Variants in ELP1 observed in about 807,000 individuals in gnomAD.
ELP1 encodes the protein elongator acetyltransferase complex subunit 1.
In ELP1, 131 loss-of-function variants were observed where a neutral mutation model predicts 183.2. The observed-to-expected ratio is 0.72, with a 90% confidence interval of 0.62 to 0.83. The LOEUF (loss-of-function observed/expected upper bound fraction) is 0.83. Ranked by LOEUF, ELP1 falls within the 40% of genes least tolerant of loss-of-function variation. The probability of loss-of-function intolerance (pLI) is 0.00; values close to 1 mark genes in which losing one functional copy is unlikely to be tolerated. For missense variants in ELP1, 1,550 were observed against 1,594.9 expected (o/e 0.97, Z 0.48); for synonymous variants, 555 against 569.0 (o/e 0.98, Z 0.35).
rs1828650576 is a variant in ELP1 at position 108,898,666 on chromosome 9, G to A, written c.2283+5C>T. The A allele has an allele frequency of 6.2e-7, 1 of 1,610,690 alleles. No individual in the cohort carries two copies. Among genetic ancestry groups the A allele is most frequent in the Admixed American group, 1.7e-5 (1 of 60,004 alleles). Reference sequence around the variant, plus strand: ...GCTAGAGTAAATGACAGCTTAGAAAGTTACCTTAGGGTTATGATCATAAAT... The same window carrying A: ...GCTAGAGTAAATGACAGCTTAGAAAATTACCTTAGGGTTATGATCATAAAT... On this transcript the variant is annotated splice_donor_5th_base_variant and intron_variant, in intron 21 of 36. Coordinates refer to ENST00000374647, the MANE Select transcript of ELP1 (RefSeq NM_003640.5).
At position 108,878,008 on chromosome 9, in the gene ELP1, T is replaced by C. The variant is rs1163986312; in HGVS notation, c.3842A>G (p.Asn1281Ser). The C allele has an allele frequency of 6.2e-7, 1 of 1,614,094 alleles. No homozygotes were observed. The highest frequency in any genetic ancestry group is 1.3e-5 in the African/African-American group (1 of 74,940). The change falls in exon 35 of 37, where the codon AAT becomes AGT. Residue 1281 changes from asparagine (N) to serine (S), a missense_variant. By Grantham distance (46) the Asn-to-Ser change is conservative (BLOSUM62 1). Coordinates refer to ENST00000374647, the MANE Select transcript of ELP1 (RefSeq NM_003640.5). ...PEIWTLTYQQ[N>S]SATPVLGPNS... ...GAGAAAACTTACCGGGGTAGCTGAA[T>C]TCTGCTGGTAAGTAAGAGTCCAAAT... is the stretch of plus-strand genomic sequence containing the variant.
chr9:108,874,354 T>C (rs539161302), intron 36 of ELP1, among the ~76,000 whole-genome samples: 1 of 152,346 alleles, frequency 6.6e-6, no homozygotes, highest in East Asian at 1.9e-4. Flanking sequence ...AGTAATCTAA[T>C]TGAGAATCAT....
chr9:108,877,758 G>T (rs1242420866), intron 35 of ELP1, among the ~76,000 whole-genome samples: 1 of 152,104 alleles, frequency 6.6e-6, no homozygotes. Context: ...TTTTCTCCAT[G>T]ACAGCTACTT....
At position 108,903,604 on chromosome 9, in the gene ELP1, A is replaced by C. The variant is rs886063348; in HGVS notation, c.1709T>G (p.Val570Gly). The change falls in exon 15 of 37, where the codon GTA (valine) becomes GGA (glycine). Residue 570 changes from valine (V) to glycine (G), a missense_variant. Transcript: ENST00000374647. Reference protein sequence around the residue: ...LCCNSKTKSVVLQLADGQIFK... With the variant: ...LCCNSKTKSVGLQLADGQIFK... ...TATCTGGCCATCAGCCAGCTGTAAT[A>C]CTACTGACTTGGTCTTGGAATTGCA... The C allele has an allele frequency of 6.2e-7, 1 of 1,613,940 alleles. No individual in the cohort carries two copies. Among genetic ancestry groups the C allele is most frequent in the South Asian group, 1.1e-5 (1 of 91,070 alleles).
Position 108,868,746 on chromosome 9 carries a change from A to G in ELP1, c.*369T>C. ...AATAGCCATTGTAATCTTCTCCGCCAACAAAATAAGACAATTTAGAAACAT... is the reference window on the plus strand; with the variant it reads ...AATAGCCATTGTAATCTTCTCCGCCGACAAAATAAGACAATTTAGAAACAT... On this transcript the variant is annotated 3_prime_UTR_variant, in exon 37 of 37. Coordinates refer to ENST00000374647, the MANE Select transcript of ELP1 (RefSeq NM_003640.5). 2 of 552,274 alleles carry G rather than the reference A, an allele frequency of 3.6e-6. No individual in the cohort carries two copies. Among genetic ancestry groups the G allele is most frequent in the Non-Finnish European group, 6.4e-6 (2 of 314,150 alleles). The allele number at this position is 552,274 out of a possible 1,614,324, so 34.2% of individuals were successfully genotyped here.
chr9:108,891,511 T>C (rs143550286), intron 27 of ELP1, 107 bp from the exon 28 acceptor site: 32 of 1,004,426 alleles, frequency 3.2e-5, no homozygotes, highest in African/African-American at 2.5e-4. Flanking sequence ...CTTGAAAGAA[T>C]TACCTGGGAA....
chr9:108,901,992 C>T (rs950856706), intron 16 of ELP1, among the ~76,000 whole-genome samples: 10 of 152,218 alleles, frequency 6.6e-5, no homozygotes, highest in Non-Finnish European at 1.5e-4. Flanking sequence ...CAAGTCTCTT[C>T]TGGGCAGCCA....
chr9:108,927,956 G>T (rs189748158), intron 3 of ELP1, among the ~76,000 whole-genome samples: 73 of 152,252 alleles, frequency 4.8e-4, no homozygotes, highest in African/African-American at 1.6e-3. Flanking sequence ...GAATAAATAA[G>T]ACCTGCTATT....
intron 19 of ELP1, 55 bp from the exon 20 acceptor site, chr9:108,899,950 C>T: frequency 2.2e-6 from 3 of 1,348,072 alleles, no homozygotes; most frequent in Non-Finnish European, 2.1e-6. Context: ...ATTTAAATAG[C>T]CAGGATACAC....
At chr9:108,869,479 T>C (rs1587861754) in intron 36 of ELP1, among the ~76,000 whole-genome samples, 1 of 152,324 alleles carries the variant, frequency 6.6e-6, no homozygotes, top group East Asian at 1.9e-4. Context: ...AGCAGTCACA[T>C]GGCTGTATAC....
At chr9:108,875,645 A>G (rs2118927441) in intron 35 of ELP1, 1 of 358,622 alleles carries the variant, frequency 2.8e-6, no homozygotes, top group Non-Finnish European at 5.4e-6. Context: ...CTGTAATCTC[A>G]GCACTTTGGG....
intron 9 of ELP1, 124 bp downstream of exon 9, chr9:108,917,423 C>A: frequency 1.1e-6 from 1 of 920,298 alleles, no homozygotes; most frequent in South Asian, 1.4e-5. Context: ...ACCGAGATTG[C>A]ACTATCGCAC....
At chr9:108,896,434 G>A in intron 25 of ELP1, 62 bp downstream of exon 25, 1 of 1,493,030 alleles carries the variant, frequency 6.7e-7, no homozygotes, top group South Asian at 1.1e-5. Flanking sequence ...CCAGAAGCAG[G>A]GTTTCACACT....
chr9:108,901,760 A>G, intron 16 of ELP1, 79 bp from the exon 17 acceptor site: 2 of 1,334,848 alleles, frequency 1.5e-6, no homozygotes, highest in Non-Finnish European at 2.1e-6. Flanking sequence ...ACATAGTTCT[A>G]CCACCCTATG....
chr9:108,918,414 C>A (rs1471165669), intron 8 of ELP1, among the ~76,000 whole-genome samples: 1 of 152,176 alleles, frequency 6.6e-6, no homozygotes, highest in Non-Finnish European at 1.5e-5. Flanking sequence ...AGGAAGGAGG[C>A]TCTTTCCCTA....
rs776675315 is a variant in ELP1, at chr9:108,897,056, G to A, written c.2502-18C>T. 38 of 1,613,180 alleles carry A rather than the reference G, an allele frequency of 2.4e-5. No homozygotes were observed. The highest frequency in any genetic ancestry group is 3.1e-5 in the Non-Finnish European group (37 of 1,179,290). On this transcript the variant is annotated intron_variant, in intron 23 of 36. Transcript: ENST00000374647. ...GGCAGTATCTGAGGTAATAAGTGAA[G>A]AACACCAGAATGAGAAAGGTAAGTA... is the stretch of plus-strand genomic sequence containing the variant.
intron 10 of ELP1, among the ~76,000 whole-genome samples, chr9:108,914,771 GC>G (rs1321758667): frequency 6.6e-6 from 1 of 152,008 alleles, no homozygotes; most frequent in African/African-American, 2.4e-5. Context: ...GACTACAGGC[GC>G]CTGCCACCAC....
intron 15 of ELP1, among the ~76,000 whole-genome samples, chr9:108,903,237 C>T (rs1828879799): frequency 6.6e-6 from 1 of 152,072 alleles, no homozygotes; most frequent in South Asian, 2.1e-4. Flanking sequence ...CTCCCCCACC[C>T]CACGACAGGC....
intron 10 of ELP1, among the ~76,000 whole-genome samples, chr9:108,912,705 TTTC>T (rs1443276174): frequency 1.3e-5 from 2 of 151,910 alleles, no homozygotes; most frequent in Non-Finnish European, 1.5e-5. Flanking sequence ...ATATGTTTAT[TTTC>T]TTGTTTTTTT....
Sources: allele counts gnomAD v4.1 joint callset (sites outside exome capture counted in the v4.1 genomes callset), GRCh38; gene constraint gnomAD v4.1.1; transcripts MANE v1.5; gene names NCBI Gene and HGNC (gene_info 2026-07-23, HGNC 2026-07-21).